The following ANO1 variants were observed in gnomAD, a reference collection of about 807,000 sequenced individuals.
The protein encoded by ANO1 is anoctamin-1.
Under a neutral mutation model 124.0 loss-of-function variants are expected in ANO1, and 59 were observed. That is an observed-to-expected ratio of 0.48 (90% CI 0.39 to 0.59). The LOEUF (loss-of-function observed/expected upper bound fraction) is 0.59, where lower values mean the gene tolerates loss of function less well. Among genes scored for constraint, ANO1 ranks in the 20% least tolerant of loss-of-function variants. The pLI is 0.00. For missense variants in ANO1, 1,059 were observed against 1,328.0 expected, an observed-to-expected ratio of 0.80 and a Z score of 3.15; for synonymous variants, 529 against 532.0, an observed-to-expected ratio of 0.99 and a Z score of 0.08.
At position 70,052,531 on chromosome 11, in the gene ANO1, C is replaced by CTTTT. The variant is rs200770702; in HGVS notation, c.59-25976_59-25973dup. On this transcript the variant is annotated intron_variant, in intron 1 of 27. Transcript: ENST00000531349. Reference sequence around the variant, plus strand: ...TTTGGGGAGAATTTCTTTTTCTTTTCTTTTTTTTTTTTTTTTTTTTTTTTT... The same window carrying CTTTT: ...TTTGGGGAGAATTTCTTTTTCTTTTCTTTTTTTTTTTTTTTTTTTTTTTTTTTTT... 1.1e-3 allele frequency among the ~76,000 whole-genome samples: 74 copies of CTTTT among 65,746 alleles called. 1 individual carries two copies. The highest frequency in any genetic ancestry group is 1.7e-3 in the Non-Finnish European group (52 of 29,838). 43.1% of individuals were successfully genotyped at this position (65,746 alleles called of 152,430 possible). A position where few individuals can be genotyped will look rare whatever the true frequency, so the allele number is the denominator to read the frequency against.
intron 22 of ANO1, among the ~76,000 whole-genome samples, chr11:70,179,120 T>G (rs1160647255): frequency 1.3e-5 from 2 of 152,200 alleles, no homozygotes; most frequent in Non-Finnish European, 2.9e-5. Flanking sequence ...TGTAGCCTCC[T>G]GCACAGGTAG....
chr11:70,020,033 G>C (rs1276816293), intron 1 of ANO1, among the ~76,000 whole-genome samples: 1 of 152,176 alleles, frequency 6.6e-6, no homozygotes, highest in Non-Finnish European at 1.5e-5. Flanking sequence ...TCCAAGGTTG[G>C]GGAGAGGCCA....
intron 1 of ANO1, among the ~76,000 whole-genome samples, chr11:70,031,708 C>T (rs112319427): frequency 2.4e-4 from 37 of 152,308 alleles, no homozygotes; most frequent in African/African-American, 6.7e-4. Context: ...TGCTCTGAGG[C>T]GCAGTGGCTG....
At chr11:70,071,598 T>A (rs1411702099) in intron 1 of ANO1, among the ~76,000 whole-genome samples, 1 of 150,614 alleles carries the variant, frequency 6.6e-6, no homozygotes, top group African/African-American at 2.4e-5. Flanking sequence ...AAAAAGAGAA[T>A]GGCCAAGGTC....
Position 70,161,683 on chromosome 11 carries a change from G to C in ANO1, c.1842G>C (p.Lys614Asn). The change falls in exon 18 of 26, where the codon AAG becomes AAC. Residue 614 changes from lysine (K) to asparagine (N), a missense_variant. This residue lies in a region of ANO1 where 809 missense variants were observed against 1,094.9 expected (regional missense o/e 0.74). Transcript: ENST00000355303. Reference protein sequence around the residue: ...ERLIFKAFLLKFVNSYTPIFY... With the variant: ...ERLIFKAFLLNFVNSYTPIFY... The stretch of plus-strand genomic sequence containing the variant: ...TGATCTTCAAGGCTTTCCTGCTGAA[G>C]TTTGTGAATTCCTACACCCCCATCT... 4.3e-6 allele frequency: 7 copies of C among 1,614,030 alleles called. No individual in the cohort carries two copies. The highest frequency in any genetic ancestry group is 5.9e-6 in the Non-Finnish European group (7 of 1,179,890).
intron 6 of ANO1, among the ~76,000 whole-genome samples, chr11:70,108,785 T>C (rs968029624): frequency 6.6e-6 from 1 of 152,182 alleles, no homozygotes; most frequent in Non-Finnish European, 1.5e-5. Flanking sequence ...GGCATCTCCA[T>C]GTGGCTGTTC....
rs143678772 is a variant in ANO1, at chr11:69,995,586, G to A, written c.58+9420G>A. Among the ~76,000 whole-genome samples the A allele has an allele frequency of 4.5e-3, 687 of 152,256 alleles. 6 individuals are homozygous for A. Among genetic ancestry groups the A allele is most frequent in the Non-Finnish European group, 5.2e-3 (356 of 68,022 alleles). On this transcript the variant is annotated intron_variant, in intron 1 of 27. Coordinates refer to the ANO1 transcript ENST00000531349. ...TTTCTGTTGACTCTGATACTTTTGA[G>A]AAGTGCTGGTCAGGTCTTTTGTAGA...
intron 19 of ANO1, among the ~76,000 whole-genome samples, chr11:70,164,069 C>T (rs1426431650): frequency 1.3e-5 from 2 of 152,056 alleles, no homozygotes; most frequent in East Asian, 1.9e-4. Context: ...TTCTGCCCAG[C>T]GATCCTGGCC....
intron 2 of ANO1, among the ~76,000 whole-genome samples, chr11:70,102,333 A>G (rs1022311268): frequency 1.3e-5 from 2 of 152,144 alleles, no homozygotes; most frequent in African/African-American, 4.8e-5. Flanking sequence ...GTCGGTTCTC[A>G]TGAAGCCCCT....
chr11:70,177,594 CTTTTTTTTTTTTTTTTTT>C (rs57647858), intron 22 of ANO1, among the ~76,000 whole-genome samples: 1 of 78,930 alleles, frequency 1.3e-5, no homozygotes, highest in African/African-American at 5.1e-5. Flanking sequence ...TTTTTTTTTT[CTTTTTTTTTTTTTTTTTT>C]TTTTTGAGAC....
At chr11:70,022,590 A>G (rs1555002718) in intron 1 of ANO1, among the ~76,000 whole-genome samples, 1 of 147,642 alleles carries the variant, frequency 6.8e-6, no homozygotes, top group Non-Finnish European at 1.5e-5. Context: ...TTGGCAACAG[A>G]GTGAGACTCC....
chr11:70,012,942 G>C (rs4980578), intron 1 of ANO1, among the ~76,000 whole-genome samples: 118,050 of 152,192 alleles, frequency 0.78, 46,141 homozygotes, highest in East Asian at 1. Context: ...AGTTCACTGT[G>C]TAGTGGGGAA....
chr11:69,978,404 G>A, the ANO1 span, among the ~76,000 whole-genome samples: 2 of 152,194 alleles, frequency 1.3e-5, no homozygotes, highest in East Asian at 3.9e-4. Context: ...AGGCTGGAGT[G>A]CAGTGGCACG....
rs1856593019 is a variant in ANO1, at chr11:70,011,171, G to A, written c.58+25005G>A. ...AGTTAGGCAGAAAGGTGCAGGAAGG[G>A]TGTCGAGGCAGAGGGAACAGCGTGT... On this transcript the variant is annotated intron_variant, in intron 1 of 27. Coordinates refer to the ANO1 transcript ENST00000531349. Among the ~76,000 whole-genome samples, 3 of 152,182 alleles carry A rather than the reference G, an allele frequency of 2.0e-5. No individual in the cohort carries two copies. The South Asian group carries it at 6.2e-4, about 32-fold the overall frequency.
intron 23 of ANO1, among the ~76,000 whole-genome samples, chr11:70,181,292 C>G (rs1482485380): frequency 6.6e-6 from 1 of 152,208 alleles, no homozygotes; most frequent in Non-Finnish European, 1.5e-5. Flanking sequence ...AAGTCAGGGT[C>G]TCAGCAGGCC....
At chr11:70,013,733 C>T (rs4505090) in intron 1 of ANO1, among the ~76,000 whole-genome samples, 60,759 of 150,642 alleles carry the variant, frequency 0.4, 12,634 homozygotes, top group East Asian at 0.49. Context: ...ACTCGGGAAG[C>T]GGAGGTTGCC....
chr11:70,093,768 T>C (rs1254086318), intron 2 of ANO1, among the ~76,000 whole-genome samples: 1 of 152,222 alleles, frequency 6.6e-6, no homozygotes, highest in Non-Finnish European at 1.5e-5. Flanking sequence ...GATGCTGCTT[T>C]TGAAAAGCAA....
chr11:70,121,061 G>A (rs560671770), intron 8 of ANO1, among the ~76,000 whole-genome samples: 18 of 152,284 alleles, frequency 1.2e-4, no homozygotes, highest in African/African-American at 4.3e-4. Context: ...TAGAAAGCTG[G>A]GAGTAGGCCC....
chr11:69,992,018 T>G (rs782806129), intron 1 of ANO1, among the ~76,000 whole-genome samples: 5 of 152,310 alleles, frequency 3.3e-5, no homozygotes, highest in Admixed American at 2.6e-4. Flanking sequence ...GTCCACCACT[T>G]CTGTCTCCCT....
Sources: allele counts gnomAD v4.1 joint callset (sites outside exome capture counted in the v4.1 genomes callset), GRCh38; gene constraint gnomAD v4.1.1; regional missense constraint gnomAD v4.1.1; transcripts MANE v1.5; gene names NCBI Gene and HGNC (gene_info 2026-07-23, HGNC 2026-07-21).